Variants in ACO1 observed in about 807,000 individuals in gnomAD.
ACO1 encodes the protein cytoplasmic aconitate hydratase.
In ACO1, 78 loss-of-function variants were observed where a neutral mutation model predicts 105.1. The observed-to-expected ratio is 0.74, with a 90% CI of 0.62 to 0.90. The LOEUF (loss-of-function observed/expected upper bound fraction) is 0.90. ACO1 is among the 40% of genes least tolerant of loss of function. The probability of loss-of-function intolerance (pLI) is 0.00; values close to 1 mark genes in which losing one functional copy is unlikely to be tolerated. For synonymous variants in ACO1, 364 were observed against 397.4 expected (o/e 0.92, Z 1.00); for missense variants, 965 against 1,111.1 (o/e 0.87, Z 1.87).
chr9:32,429,491 A>C lies in ACO1; in HGVS notation c.1557A>C (p.Glu519Asp), dbSNP rs41306075. Residue 519 changes from glutamate (E) to aspartate (D), a missense_variant, in exon 13 of 21, where the codon GAA (glutamate) becomes GAC (aspartate). Physicochemically the swap from Glu to Asp is conservative, Grantham distance 45 (BLOSUM62 2). Coordinates refer to ENST00000309951, the MANE Select transcript of ACO1 (RefSeq NM_002197.3). ...NSGPLPEPVVEAITQGDLVAV... is the reference protein window; with the variant it reads ...NSGPLPEPVVDAITQGDLVAV... The stretch of plus-strand genomic sequence containing the variant: ...GGCCTTTACCTGAACCTGTGGTAGA[A>C]GCCATCACACAGGTAATTGCAGAGG... The C allele has an allele frequency of 3.0e-4, 483 of 1,614,104 alleles. No individual in the cohort carries two copies. The highest frequency in any genetic ancestry group is 3.9e-4 in the Non-Finnish European group (464 of 1,179,950).
intron 12 of ACO1, among the ~76,000 whole-genome samples, chr9:32,427,747 A>G (rs1360247953): frequency 6.6e-6 from 1 of 152,178 alleles, no homozygotes; most frequent in Non-Finnish European, 1.5e-5. Flanking sequence ...AACACTGGAC[A>G]CTTAGGCCAC....
At chr9:32,426,029 T>C in intron 11 of ACO1, 32 bp downstream of exon 11, 2 of 1,605,132 alleles carry the variant, frequency 1.2e-6, no homozygotes, top group Non-Finnish European at 1.7e-6. Flanking sequence ...CTCATGGTCA[T>C]ACATGTGTGT....
Position 32,407,415 on chromosome 9 carries a change from C to G in ACO1, c.252C>G (p.Ile84Met). The G allele has an allele frequency of 6.2e-7, 1 of 1,613,222 alleles. No individual in the cohort carries two copies. ...TGCCATTTAAGCCTGCTCGTGTCAT[C>G]CTGCAGGACTTTACGTGAGCCTAAT... ...IEVPFKPARV[I>M]LQDFTGVPAV... Residue 84 changes from isoleucine to methionine, a missense_variant, in exon 3 of 21, where the codon ATC (isoleucine) becomes ATG (methionine). Physicochemically the swap from Ile to Met is conservative, Grantham distance 10. Transcript: ENST00000309951.
intron 19 of ACO1, 31 bp from the exon 20 acceptor site, chr9:32,448,865 G>A: frequency 6.2e-7 from 1 of 1,613,304 alleles, no homozygotes; most frequent in Non-Finnish European, 8.5e-7. Flanking sequence ...AAGATTGGAA[G>A]TATGTCTAAA....
rs1587564268 is a variant in ACO1 at position 32,450,372 on chromosome 9, C to A, written c.*261C>A. On this transcript the variant is annotated 3_prime_UTR_variant, in exon 21 of 21. Coordinates refer to ENST00000309951, the MANE Select transcript of ACO1 (RefSeq NM_002197.3). Reference sequence around the variant, plus strand: ...TGTCAGTAGTGCCAGAAAGAGAGAACCAAGCTTGTCTTTAAAGTTACTGAT... The same window carrying A: ...TGTCAGTAGTGCCAGAAAGAGAGAAACAAGCTTGTCTTTAAAGTTACTGAT... 8 of 513,312 alleles carry A rather than the reference C, an allele frequency of 1.6e-5. No individual in the cohort carries two copies. The highest frequency in any genetic ancestry group is 2.9e-5 in the Non-Finnish European group (8 of 272,724). The allele number at this position is 513,312 out of a possible 1,614,324, so 31.8% of individuals were successfully genotyped here.
At chr9:32,426,090 G>A in intron 11 of ACO1, 93 bp downstream of exon 11, 2 of 1,303,250 alleles carry the variant, frequency 1.5e-6, no homozygotes, top group Non-Finnish European at 2.1e-6. Flanking sequence ...AGTTGTACAT[G>A]TAGTTCCCTG....
At chr9:32,409,830 TAAA>T in intron 4 of ACO1, among the ~76,000 whole-genome samples, 1 of 147,570 alleles carries the variant, frequency 6.8e-6, no homozygotes, top group East Asian at 2.0e-4. Context: ...ACCTTGTCTT[TAAA>T]AAAAAAAAAA....
intron 1 of ACO1, among the ~76,000 whole-genome samples, chr9:32,401,810 C>T (rs1821501226): frequency 6.6e-6 from 1 of 152,130 alleles, no homozygotes; most frequent in Admixed American, 6.5e-5. Flanking sequence ...TTTTAGTGAC[C>T]TACTTTAAAA....
At chr9:32,435,803 T>C (rs1822342658) in intron 17 of ACO1, among the ~76,000 whole-genome samples, 1 of 152,342 alleles carries the variant, frequency 6.6e-6, no homozygotes. Context: ...TTTGAAACTA[T>C]TTCTGGTTAC....
Position 32,433,720 on chromosome 9 carries a change from T to C in ACO1, c.1852-8T>C, listed in dbSNP as rs1489380718. The C allele has an allele frequency of 1.9e-6, 3 of 1,592,240 alleles. No homozygotes were observed. In the Admixed American group the frequency reaches 5.6e-5, roughly 29 times the overall value. Reference sequence around the variant, plus strand: ...GTGATTAGATCTGCCTTTCTTTTCTTTTTTAAGACTGTGAATGAAAGCTGG... The same window carrying C: ...GTGATTAGATCTGCCTTTCTTTTCTCTTTTAAGACTGTGAATGAAAGCTGG... On this transcript the variant is annotated splice_region_variant and splice_polypyrimidine_tract_variant and intron_variant, in intron 15 of 20. Transcript: ENST00000309951.
At chr9:32,434,737 A>T (rs1253720483) in intron 17 of ACO1, 36 bp downstream of exon 17, 1 of 1,610,494 alleles carries the variant, frequency 6.2e-7, no homozygotes, top group Non-Finnish European at 8.5e-7. Context: ...CTAAAGGCAA[A>T]AATGGAGGAA....
At chr9:32,390,635 T>C (rs1279380763) in intron 1 of ACO1, among the ~76,000 whole-genome samples, 2 of 152,176 alleles carry the variant, frequency 1.3e-5, no homozygotes, top group East Asian at 3.8e-4. Context: ...AAATTTTGAG[T>C]ATAAAAGAAA....
At position 32,434,577 on chromosome 9, in the gene ACO1, C is replaced by T. The variant is rs1214446348; in HGVS notation, c.1975C>T (p.Pro659Ser). Residue 659 changes from proline (P) to serine (S), a missense_variant, in exon 17 of 21, where the codon CCT becomes TCT. Pro to Ser is a moderately conservative substitution (Grantham distance 74). Transcript: ENST00000309951. Reference protein sequence around the residue: ...FENLTLDLQPPKSIVDAYVLL... With the variant: ...FENLTLDLQPSKSIVDAYVLL... ...TTGCTAGACTTTGGATCTTCAGCCC[C>T]CTAAATCTATAGTGGATGCCTATGT... 1.9e-6 allele frequency: 3 copies of T among 1,614,028 alleles called. No individual in the cohort carries two copies. Among genetic ancestry groups the T allele is most frequent in the South Asian group, 2.2e-5 (2 of 91,062 alleles).
intron 19 of ACO1, among the ~76,000 whole-genome samples, chr9:32,444,378 T>C (rs548831399): frequency 2.3e-4 from 35 of 152,322 alleles, no homozygotes; most frequent in African/African-American, 8.4e-4. Flanking sequence ...TTTCTGGTTC[T>C]ACATCCTTAA....
intron 1 of ACO1, among the ~76,000 whole-genome samples, chr9:32,385,751 A>G (rs1441328618): frequency 6.6e-6 from 1 of 152,186 alleles, no homozygotes; most frequent in Admixed American, 6.5e-5. Flanking sequence ...ACTCCTGAAA[A>G]TGTGTGAATG....
At chr9:32,407,215 A>T in intron 2 of ACO1, 46 bp from the exon 3 acceptor site, 1 of 1,591,716 alleles carries the variant, frequency 6.3e-7, no homozygotes, top group African/African-American at 1.3e-5. Flanking sequence ...GAGCGCTCTT[A>T]AGTTGTCTCA....
intron 7 of ACO1, among the ~76,000 whole-genome samples, chr9:32,419,388 G>A (rs146810993): frequency 3.9e-5 from 6 of 152,274 alleles, no homozygotes; most frequent in African/African-American, 1.4e-4. Context: ...TTGCTGCATC[G>A]ATCTTTTTCT....
intron 19 of ACO1, chr9:32,445,714 G>A (rs1267825620): frequency 5.7e-5 from 12 of 208,972 alleles, no homozygotes; most frequent in African/African-American, 1.2e-4. Context: ...TTAGGATGTC[G>A]ATTTTAGAAC....
chr9:32,430,402 C>T lies in ACO1; in HGVS notation c.1570-16C>T, dbSNP rs1446452651. 6.3e-7 allele frequency: 1 copy of T among 1,598,492 alleles called. No individual in the cohort carries two copies. Among genetic ancestry groups the T allele is most frequent in the Non-Finnish European group, 8.5e-7 (1 of 1,173,996 alleles). On this transcript the variant is annotated splice_polypyrimidine_tract_variant and intron_variant, in intron 13 of 20. Transcript: ENST00000309951. ...AGTATCTTTTAGTGACCTGATTTTT[C>T]TCTTGCCTTACTCAGGGAGACCTTG... is the stretch of plus-strand genomic sequence containing the variant.
Sources: gnomAD v4.1 joint callset for allele counts (sites outside exome capture counted in the v4.1 genomes callset) on GRCh38, gnomAD v4.1.1 for gene constraint, MANE v1.5 for transcripts, NCBI Gene and HGNC (gene_info 2026-07-23, HGNC 2026-07-21) for gene names.